The following MOGAT2 variants were observed in gnomAD, a reference collection of about 807,000 sequenced individuals.
The protein encoded by MOGAT2 is 2-acylglycerol O-acyltransferase 2.
In MOGAT2, 27 loss-of-function variants were observed where a neutral mutation model predicts 31.5. The observed-to-expected ratio is 0.86, with a 90% confidence interval of 0.63 to 1.18. The LOEUF (loss-of-function observed/expected upper bound fraction) is 1.18. Ranked by LOEUF, MOGAT2 falls within the 50% of genes most tolerant of loss-of-function variation. The pLI is 0.00. For synonymous variants in MOGAT2, 163 were observed against 170.0 expected (o/e 0.96, Z 0.32); for missense variants, 436 against 433.2 (o/e 1.01, Z -0.06).
intron 2 of MOGAT2, among the ~76,000 whole-genome samples, chr11:75,720,615 C>A (rs1038917970): frequency 6.6e-6 from 1 of 152,176 alleles, no homozygotes; most frequent in Admixed American, 6.5e-5. Context: ...ACAGCAAGTT[C>A]TTTTACAGAT....
intron 1 of MOGAT2, among the ~76,000 whole-genome samples, chr11:75,719,144 C>T (rs992114697): frequency 6.6e-5 from 10 of 152,198 alleles, no homozygotes; most frequent in African/African-American, 2.4e-4. Flanking sequence ...TTTACACATT[C>T]CTGTATACCC....
chr11:75,727,607 C>T lies in MOGAT2; in HGVS notation c.443C>T (p.Ala148Val). ...ATGATGCTGACCTTGTGGTTCCGGG[C>T]CCCCTTCTTCAGAGATTACATCATG... ...HLMMLTLWFR[A>V]PFFRDYIMSA... is the part of the protein sequence containing the mutation. Residue 148 changes from alanine (A) to valine (V), a missense_variant, in exon 3 of 6, where the codon GCC (alanine) becomes GTC (valine). Ala to Val is a moderately conservative substitution (Grantham distance 64). Coordinates refer to ENST00000198801, the MANE Select transcript of MOGAT2 (RefSeq NM_025098.4). 6.2e-7 allele frequency: 1 copy of T among 1,614,122 alleles called. No individual in the cohort carries two copies. Among genetic ancestry groups the T allele is most frequent in the Non-Finnish European group, 8.5e-7 (1 of 1,179,996 alleles).
Position 75,731,460 on chromosome 11 carries a change from G to A in MOGAT2, c.*174G>A. On this transcript the variant is annotated 3_prime_UTR_variant, in exon 6 of 6. Coordinates refer to ENST00000198801, the MANE Select transcript of MOGAT2 (RefSeq NM_025098.4). ...TGCAGAAGAGGAGACCAGACCAAGGGGTCAGCTGGGGCTAGGACAGTGAGG... is the reference window on the plus strand; with the variant it reads ...TGCAGAAGAGGAGACCAGACCAAGGAGTCAGCTGGGGCTAGGACAGTGAGG... 1 of 644,372 alleles carries A rather than the reference G, an allele frequency of 1.6e-6. No homozygotes were observed. The highest frequency in any genetic ancestry group is 2.4e-6 in the Non-Finnish European group (1 of 423,102). The allele number at this position is 644,372 out of a possible 1,614,324, so 39.9% of individuals were successfully genotyped here.
chr11:75,723,127 G>A (rs2135733009), intron 2 of MOGAT2, among the ~76,000 whole-genome samples: 1 of 151,832 alleles, frequency 6.6e-6, no homozygotes, highest in African/African-American at 2.4e-5. Context: ...ACTCCCGGCT[G>A]ATTTGTATTT....
rs1259872465 is a variant in MOGAT2 at position 75,732,080 on chromosome 11, A to G, written c.*794A>G. 1 of 152,302 alleles carries G rather than the reference A, an allele frequency of 6.6e-6. No homozygotes were observed. Among genetic ancestry groups the G allele is most frequent in the East Asian group, 1.9e-4 (1 of 5,198 alleles). The allele number at this position is 152,302 out of a possible 1,614,324, so 9.4% of individuals were successfully genotyped here. On this transcript the variant is annotated 3_prime_UTR_variant, in exon 6 of 6. Transcript: ENST00000198801. ...ATAGGGTTTGGACCAGTCTGAATCC[A>G]GAGGATCAGGATCCAGCAGGAACCA... is the stretch of plus-strand genomic sequence containing the variant.
Position 75,727,990 on chromosome 11 carries a change from G to A in MOGAT2, c.496G>A (p.Glu166Lys), listed in dbSNP as rs1168509805. The A allele has an allele frequency of 1.9e-6, 3 of 1,612,032 alleles. No individual in the cohort carries two copies. The highest frequency in any genetic ancestry group is 2.7e-5 in the African/African-American group (2 of 74,962). ...MSAGLVTSEKESAAHILNRKG... is the reference protein window; with the variant it reads ...MSAGLVTSEKKSAAHILNRKG... ...CCTAGGGTTGGTCACATCAGAAAAG[G>A]AGAGTGCTGCTCACATTCTGAACAG... Residue 166 changes from glutamate (E) to lysine (K), a missense_variant, in exon 4 of 6, where the codon GAG (glutamate) becomes AAG (lysine). Coordinates refer to ENST00000198801, the MANE Select transcript of MOGAT2 (RefSeq NM_025098.4).
intron 5 of MOGAT2, among the ~76,000 whole-genome samples, chr11:75,729,967 A>T (rs1944460659): frequency 6.6e-6 from 1 of 151,502 alleles, no homozygotes; most frequent in African/African-American, 2.4e-5. Context: ...CTGGTCTCGA[A>T]CTCCTGACCT....
Position 75,728,638 on chromosome 11 carries a change from T to G in MOGAT2, c.651-152T>G. On this transcript the variant is annotated intron_variant, in intron 4 of 5. Transcript: ENST00000198801. ...GTCAGAGAATGGGGCTGTGAAGGTC[T>G]GGGAGATAACCCAGGCCTCCACCTC... is the stretch of plus-strand genomic sequence containing the variant. 4.5e-6 allele frequency: 3 copies of G among 661,788 alleles called. No individual in the cohort carries two copies. The South Asian group carries it at 5.4e-5, about 12-fold the overall frequency. 41.0% of individuals were successfully genotyped at this position (661,788 alleles called of 1,614,324 possible).
chr11:75,720,515 C>T (rs1944368657), intron 2 of MOGAT2, among the ~76,000 whole-genome samples: 1 of 152,176 alleles, frequency 6.6e-6, no homozygotes. Flanking sequence ...AATAAACTTA[C>T]AGGTTCTAAG....
In MOGAT2 at chr11:75,731,251, A is replaced by G; in HGVS notation, c.970A>G (p.Asn324Asp). 1 of 1,614,202 alleles carries G rather than the reference A, an allele frequency of 6.2e-7. No individual in the cohort carries two copies. Among genetic ancestry groups the G allele is most frequent in the Non-Finnish European group, 8.5e-7 (1 of 1,180,032 alleles). The change falls in exon 6 of 6, where the codon AAC becomes GAC. Residue 324 changes from asparagine (N) to aspartate (D), a missense_variant. Transcript: ENST00000198801. Reference sequence around the variant, plus strand: ...CTTCGAGGCCCACAAACTTAAGTTCAACATCCCTGCTGACCAGCACTTGGA... The same window carrying G: ...CTTCGAGGCCCACAAACTTAAGTTCGACATCCCTGCTGACCAGCACTTGGA... Reference protein sequence around the residue: ...NLFEAHKLKFNIPADQHLEFC With the variant: ...NLFEAHKLKFDIPADQHLEFC
At chr11:75,727,862 A>C (rs1944436571) in intron 3 of MOGAT2, 108 bp from the exon 4 acceptor site, 1 of 1,250,448 alleles carries the variant, frequency 8.0e-7, no homozygotes. Context: ...GTGGGGGAAA[A>C]ACCCCAGGCC....
chr11:75,729,352 G>A (rs939187594), intron 5 of MOGAT2, among the ~76,000 whole-genome samples: 7 of 152,134 alleles, frequency 4.6e-5, no homozygotes, highest in African/African-American at 1.7e-4. Context: ...TCAGCTCACT[G>A]CAACCTCCGC....
At chr11:75,726,703 T>TC (rs1191848604) in intron 2 of MOGAT2, among the ~76,000 whole-genome samples, 1 of 150,260 alleles carries the variant, frequency 6.7e-6, no homozygotes, top group Admixed American at 6.6e-5. Context: ...TTGATTTTTT[T>TC]TTTTTTTTTT....
rs1186269725 is a variant in MOGAT2, at chr11:75,726,696, A to ATT, written c.271-720_271-719dup. On this transcript the variant is annotated intron_variant, in intron 2 of 5. Coordinates refer to ENST00000198801, the MANE Select transcript of MOGAT2 (RefSeq NM_025098.4). ...GTCTCATGGATATGGAGGAACATTG[A>ATT]TTTTTTTTTTTTTTTTTTTTGAGAC... 9.1e-3 allele frequency among the ~76,000 whole-genome samples: 1,116 copies of ATT among 123,126 alleles called. 37 individuals are homozygous for ATT. Among genetic ancestry groups the ATT allele is most frequent in the African/African-American group, 0.03 (950 of 31,966 alleles). 80.8% of individuals were successfully genotyped at this position (123,126 alleles called of 152,430 possible).
In MOGAT2 at chr11:75,731,309, T is replaced by C. The variant is rs1944477811; in HGVS notation, c.*23T>C. 6.2e-7 allele frequency: 1 copy of C among 1,610,902 alleles called. No individual in the cohort carries two copies. Among genetic ancestry groups the C allele is most frequent in the East Asian group, 2.2e-5 (1 of 44,780 alleles). On this transcript the variant is annotated 3_prime_UTR_variant, in exon 6 of 6. Transcript: ENST00000198801. ...TGAGCCCAAAGGGCAGGGCCAACATTAGGGAGCCCAGCAGGAGGTGCTGTG... is the reference window on the plus strand; with the variant it reads ...TGAGCCCAAAGGGCAGGGCCAACATCAGGGAGCCCAGCAGGAGGTGCTGTG...
At chr11:75,725,558 AAATAAAT>A (rs1472154051) in intron 2 of MOGAT2, among the ~76,000 whole-genome samples, 1 of 151,160 alleles carries the variant, frequency 6.6e-6, no homozygotes, top group Non-Finnish European at 1.5e-5. Context: ...ATAAATAAAT[AAATAAAT>A]AAATAAATAA....
chr11:75,720,225 G>A (rs1944366212), intron 2 of MOGAT2, 55 bp downstream of exon 2: 1 of 1,566,000 alleles, frequency 6.4e-7, no homozygotes, highest in Non-Finnish European at 8.7e-7. Context: ...GTGTGGTCAG[G>A]GCCAGAGTGC....
intron 2 of MOGAT2, among the ~76,000 whole-genome samples, chr11:75,724,038 G>A (rs1247875639): frequency 6.6e-6 from 1 of 152,214 alleles, no homozygotes; most frequent in Non-Finnish European, 1.5e-5. Context: ...GTGTCCTGTG[G>A]GACAGAAATA....
Position 75,727,470 on chromosome 11 carries a change from C to T in MOGAT2, c.306C>T (p.Asn102=). ...VKTAELDPSR[N]YIAGFHPHGV... ...CTGCTGAGCTGGACCCCTCTCGGAACTACATTGCGGGCTTCCACCCCCATG... is the reference window on the plus strand; with the variant it reads ...CTGCTGAGCTGGACCCCTCTCGGAATTACATTGCGGGCTTCCACCCCCATG... The change falls in exon 3 of 6, where the codon AAC becomes AAT. Residue 102 remains asparagine, a synonymous_variant. Transcript: ENST00000198801. 6.2e-7 allele frequency: 1 copy of T among 1,614,160 alleles called. No homozygotes were observed. Among genetic ancestry groups the T allele is most frequent in the Non-Finnish European group, 8.5e-7 (1 of 1,180,020 alleles).
Sources: gnomAD v4.1 joint callset for allele counts (sites outside exome capture counted in the v4.1 genomes callset) on GRCh38, gnomAD v4.1.1 for gene constraint, MANE v1.5 for transcripts, NCBI Gene and HGNC (gene_info 2026-07-23, HGNC 2026-07-21) for gene names.